Variants in PTPN14 observed in about 807,000 individuals in gnomAD.
The protein encoded by PTPN14 is tyrosine-protein phosphatase non-receptor type 14.
Under a neutral mutation model 126.8 loss-of-function variants are expected in PTPN14, and 53 were observed. The ratio of observed to expected loss-of-function variants is 0.42; its 90% CI spans 0.34 to 0.53. PTPN14 has a LOEUF of 0.53. Ranked by LOEUF, PTPN14 falls within the 20% of genes least tolerant of loss-of-function variation. The pLI is 0.08. For synonymous variants in PTPN14, 630 were observed against 599.3 expected (o/e 1.05, Z -0.75); for missense variants, 1,257 against 1,552.9 (o/e 0.81, Z 3.20).
intron 1 of PTPN14, among the ~76,000 whole-genome samples, chr1:214,540,405 T>C (rs1244920653): frequency 6.6e-6 from 1 of 152,198 alleles, no homozygotes; most frequent in African/African-American, 2.4e-5. Context: ...GCTTGAGCTG[T>C]CACCACTGAC....
chr1:214,467,852 G>C (rs1232950459), intron 1 of PTPN14, among the ~76,000 whole-genome samples: 1 of 152,118 alleles, frequency 6.6e-6, no homozygotes, highest in Non-Finnish European at 1.5e-5. Context: ...ATCTCCAGTT[G>C]ACAAAAATAC....
chr1:214,424,651 C>T (rs992402307), intron 3 of PTPN14, among the ~76,000 whole-genome samples: 1 of 152,072 alleles, frequency 6.6e-6, no homozygotes, highest in East Asian at 1.9e-4. Flanking sequence ...CCTCAGCCTC[C>T]CGAGTAGCTG....
chr1:214,532,490 C>G lies in PTPN14; in HGVS notation c.-155+18693G>C, dbSNP rs901838447. ...TGGACAGACTGAGGAGCCTGGAGAT[C>G]GAGAACTGGAGGCTGGAGAGCAAAA... On this transcript the variant is annotated intron_variant, in intron 1 of 18. Coordinates refer to ENST00000366956, the MANE Select transcript of PTPN14 (RefSeq NM_005401.5). 4.5e-5 allele frequency: 40 copies of G among 883,000 alleles called. No individual in the cohort carries two copies. The Admixed American group carries it at 6.8e-4, about 15-fold the overall frequency. The allele number at this position is 883,000 out of a possible 1,614,324, so 54.7% of individuals were successfully genotyped here.
At chr1:214,361,741 G>A (rs1447047311) in intron 18 of PTPN14, among the ~76,000 whole-genome samples, 2 of 152,108 alleles carry the variant, frequency 1.3e-5, no homozygotes, top group South Asian at 2.1e-4. Flanking sequence ...ACCATAAAAC[G>A]AGTGCTTTCT....
intron 1 of PTPN14, chr1:214,533,189 TC>T: frequency 1.4e-6 from 1 of 722,742 alleles, no homozygotes. Context: ...ATGGAGCAGC[TC>T]AACGAGATCC....
chr1:214,357,928 G>A lies in PTPN14; in HGVS notation c.3558C>T (p.Leu1186=), dbSNP rs1309675008. 1.9e-6 allele frequency: 3 copies of A among 1,612,598 alleles called. No individual in the cohort carries two copies. The highest frequency in any genetic ancestry group is 1.3e-5 in the African/African-American group (1 of 74,876). Residue 1186 remains leucine, a synonymous_variant, in exon 19 of 19, where the codon CTC becomes CTT. Coordinates refer to ENST00000366956, the MANE Select transcript of PTPN14 (RefSeq NM_005401.5). ...VLIQFLQNSR[L]I ...AGGAGCTGGATTGGGGTGATTAAATGAGTCTGGAGTTTTGGAGGAACTGGA... is the reference window on the plus strand; with the variant it reads ...AGGAGCTGGATTGGGGTGATTAAATAAGTCTGGAGTTTTGGAGGAACTGGA...
intron 3 of PTPN14, among the ~76,000 whole-genome samples, chr1:214,440,473 G>A (rs1471249682): frequency 6.6e-6 from 1 of 152,204 alleles, no homozygotes; most frequent in Non-Finnish European, 1.5e-5. Context: ...GAGGAAATCT[G>A]AATAATTTGA....
chr1:214,369,479 T>C lies in PTPN14; in HGVS notation c.3249A>G (p.Pro1083=). Residue 1083 remains proline (P), a synonymous_variant, in exon 17 of 19, where the codon CCA becomes CCG. Coordinates refer to ENST00000366956, the MANE Select transcript of PTPN14 (RefSeq NM_005401.5). ...TACATAAAAATCCTTGGACATCTTCTGGACAGCCGTGATCTGGCCAGTCAG... is the reference window on the plus strand; with the variant it reads ...TACATAAAAATCCTTGGACATCTTCCGGACAGCCGTGATCTGGCCAGTCAG... ...QYTDWPDHGC[P]EDVQGFLSYL... 6.2e-7 allele frequency: 1 copy of C among 1,614,164 alleles called. No homozygotes were observed. Among genetic ancestry groups the C allele is most frequent in the Non-Finnish European group, 8.5e-7 (1 of 1,180,012 alleles).
intron 1 of PTPN14, among the ~76,000 whole-genome samples, chr1:214,514,701 CA>C (rs1655058458): frequency 6.6e-6 from 1 of 152,186 alleles, no homozygotes. Context: ...CCAACTCCTC[CA>C]TCATCCAAAC....
intron 1 of PTPN14, among the ~76,000 whole-genome samples, chr1:214,491,528 G>T (rs896023050): frequency 5.3e-5 from 8 of 152,168 alleles, no homozygotes; most frequent in Non-Finnish European, 1.0e-4. Flanking sequence ...GTGCAATCTA[G>T]ATCCCTGGCT....
In PTPN14 at chr1:214,401,790, T is replaced by C. The variant is rs1334083003; in HGVS notation, c.582-18A>G. 6.5e-7 allele frequency: 1 copy of C among 1,537,146 alleles called. No homozygotes were observed. Among genetic ancestry groups the C allele is most frequent in the African/African-American group, 1.4e-5 (1 of 72,830 alleles). On this transcript the variant is annotated intron_variant, in intron 6 of 18. Transcript: ENST00000366956. ...GGATTCCACTAAAATCAAAATAGCA[T>C]CAAAGGAAGAAATGGTTAAGGGCAG...
chr1:214,452,080 G>C, intron 2 of PTPN14, 106 bp from the exon 3 acceptor site: 1 of 1,283,090 alleles, frequency 7.8e-7, no homozygotes, highest in Non-Finnish European at 1.1e-6. Context: ...GGGTTCCCCA[G>C]CCCATATATA....
rs1258659447 is a variant in PTPN14, at chr1:214,444,461, T to C, written c.344+7344A>G. On this transcript the variant is annotated intron_variant, in intron 3 of 18. Transcript: ENST00000366956. ...CCACGGGTAGACTTTAAATATCCAG[T>C]AAAATGACATTTCAAAATAATAAAA... 3.9e-5 allele frequency among the ~76,000 whole-genome samples: 6 copies of C among 152,068 alleles called. No homozygotes were observed. The South Asian group carries it at 6.2e-4, about 16-fold the overall frequency.
At chr1:214,379,787 G>C in intron 13 of PTPN14, among the ~76,000 whole-genome samples, 1 of 152,228 alleles carries the variant, frequency 6.6e-6, no homozygotes, top group East Asian at 1.9e-4. Context: ...TTTGCTTCAA[G>C]TTGTCCTGCC....
intron 3 of PTPN14, among the ~76,000 whole-genome samples, chr1:214,429,291 CTA>C (rs1659744760): frequency 6.6e-6 from 1 of 152,054 alleles, no homozygotes; most frequent in Admixed American, 6.6e-5. Context: ...TGACCATCTT[CTA>C]TATGTTTATT....
intron 2 of PTPN14, among the ~76,000 whole-genome samples, chr1:214,457,473 T>C (rs1660408889): frequency 1.3e-5 from 2 of 152,176 alleles, no homozygotes; most frequent in South Asian, 4.1e-4. Context: ...AACTGAAGGG[T>C]ATCTCAGGTG....
chr1:214,405,895 A>C (rs1056108411), intron 5 of PTPN14, among the ~76,000 whole-genome samples: 7 of 152,188 alleles, frequency 4.6e-5, no homozygotes, highest in Admixed American at 4.6e-4. Context: ...ACTTGCCCAA[A>C]GTCATATAGC....
intron 3 of PTPN14, among the ~76,000 whole-genome samples, chr1:214,440,543 T>G (rs928870565): frequency 6.6e-6 from 1 of 152,204 alleles, no homozygotes; most frequent in Non-Finnish European, 1.5e-5. Context: ...CGGAGTGATC[T>G]TTACACAGAA....
At chr1:214,463,675 T>C (rs1055179283) in intron 2 of PTPN14, among the ~76,000 whole-genome samples, 1 of 152,208 alleles carries the variant, frequency 6.6e-6, no homozygotes, top group Non-Finnish European at 1.5e-5. Context: ...CAACAGTGAT[T>C]GCCACCCCTC....
Sources: allele counts gnomAD v4.1 joint callset (sites outside exome capture counted in the v4.1 genomes callset), GRCh38; gene constraint gnomAD v4.1.1; transcripts MANE v1.5; gene names NCBI Gene and HGNC (gene_info 2026-07-23, HGNC 2026-07-21).